RAB3GAP1: variants seen among roughly 807,000 people sequenced by gnomAD.
RAB3GAP1 encodes the protein RAB3 GTPase activating protein catalytic subunit 1.
Under a neutral mutation model 130.7 loss-of-function variants are expected in RAB3GAP1, and 86 were observed. The ratio of observed to expected loss-of-function variants is 0.66; its 90% CI spans 0.55 to 0.79. The LOEUF is 0.79. Among genes scored for constraint, RAB3GAP1 ranks in the 30% least tolerant of loss-of-function variants. The pLI is 0.00. For synonymous variants in RAB3GAP1, 367 were observed against 401.7 expected, an observed-to-expected ratio of 0.91 and a Z score of 1.03; for missense variants, 1,029 against 1,169.4, an observed-to-expected ratio of 0.88 and a Z score of 1.75.
rs200499974 is a variant in RAB3GAP1, at chr2:135,153,866, A to G, written c.2279A>G (p.Glu760Gly). 3.5e-5 allele frequency: 56 copies of G among 1,613,502 alleles called. No individual in the cohort carries two copies. Among genetic ancestry groups the G allele is most frequent in the Non-Finnish European group, 1.7e-6 (2 of 1,179,612 alleles). The change falls in exon 19 of 24, where the codon GAA becomes GGA. Residue 760 changes from glutamate to glycine, a missense_variant. Physicochemically the swap from Glu to Gly is moderately conservative, Grantham distance 98 (BLOSUM62 -2). Transcript: ENST00000264158. The part of the protein sequence containing the change: ...RQRRLFDDTR[E>G]AEKVLHYLAI... The stretch of plus-strand genomic sequence containing the variant: ...AGGAGACTCTTTGATGATACACGGG[A>G]AGCAGAAAAGGTAATTGAGGTTTGA...
chr2:135,158,409 A>T (rs1023533491), intron 19 of RAB3GAP1, among the ~76,000 whole-genome samples: 1 of 152,220 alleles, frequency 6.6e-6, no homozygotes, highest in Non-Finnish European at 1.5e-5. Flanking sequence ...TAGAGAGCTA[A>T]CTTGAAAGGA....
intron 3 of RAB3GAP1, among the ~76,000 whole-genome samples, chr2:135,065,536 A>T (rs148175090): frequency 6.6e-6 from 1 of 152,220 alleles, no homozygotes; most frequent in African/African-American, 2.4e-5. Flanking sequence ...AGAAAATGTC[A>T]TTAGAACTTA....
At chr2:135,075,306 T>C (rs1574085848) in intron 3 of RAB3GAP1, among the ~76,000 whole-genome samples, 1 of 152,214 alleles carries the variant, frequency 6.6e-6, no homozygotes, top group African/African-American at 2.4e-5. Flanking sequence ...AAATGATGCA[T>C]ATGTATAAAA....
chr2:135,155,492 G>A (rs1229865719), intron 19 of RAB3GAP1, among the ~76,000 whole-genome samples: 6 of 152,100 alleles, frequency 3.9e-5, no homozygotes, highest in Admixed American at 6.6e-5. Context: ...AAGAGGATAC[G>A]TTTTGAGAAG....
At chr2:135,083,483 C>T (rs1412331711) in intron 3 of RAB3GAP1, among the ~76,000 whole-genome samples, 1 of 152,018 alleles carries the variant, frequency 6.6e-6, no homozygotes, top group Non-Finnish European at 1.5e-5. Flanking sequence ...TTTTTAGAGG[C>T]AAGGTCTTGC....
At chr2:135,112,708 A>G (rs766778084) in intron 5 of RAB3GAP1, among the ~76,000 whole-genome samples, 6 of 152,174 alleles carry the variant, frequency 3.9e-5, no homozygotes, top group African/African-American at 7.2e-5. Flanking sequence ...AATAACATCA[A>G]TATTACAGTG....
rs913604380 is a variant in RAB3GAP1, at chr2:135,057,883, A to G, written c.75-128A>G. 24 of 695,942 alleles carry G rather than the reference A, an allele frequency of 3.4e-5. No homozygotes were observed. In the Admixed American group the frequency reaches 5.1e-4, roughly 15 times the overall value. 43.1% of individuals were successfully genotyped at this position (695,942 alleles called of 1,614,324 possible). On this transcript the variant is annotated intron_variant, in intron 2 of 23. Transcript: ENST00000264158. ...CCCATATCCATAAATTAAGCTAGCA[A>G]TACTAAATGTACTGAGTCCTCTCTG...
intron 14 of RAB3GAP1, among the ~76,000 whole-genome samples, chr2:135,133,231 A>T (rs1691595132): frequency 6.6e-6 from 1 of 152,172 alleles, no homozygotes; most frequent in Admixed American, 6.5e-5. Context: ...GATTTCCCTC[A>T]TTGTAGAGTT....
chr2:135,126,064 T>C, intron 9 of RAB3GAP1, 117 bp from the exon 10 acceptor site: 1 of 761,048 alleles, frequency 1.3e-6, no homozygotes. Context: ...CAGTATGTTG[T>C]ATTATAAATA....
intron 3 of RAB3GAP1, among the ~76,000 whole-genome samples, chr2:135,063,330 G>A (rs1689231759): frequency 1.3e-5 from 2 of 152,210 alleles, no homozygotes; most frequent in South Asian, 4.1e-4. Flanking sequence ...GTTGTAAAAT[G>A]TAAGATTTAC....
chr2:135,144,502 G>C (rs561699452), intron 17 of RAB3GAP1, among the ~76,000 whole-genome samples: 4 of 152,336 alleles, frequency 2.6e-5, no homozygotes, highest in African/African-American at 4.8e-5. Flanking sequence ...AATAGGTGAA[G>C]GGTGAGGATT....
intron 5 of RAB3GAP1, among the ~76,000 whole-genome samples, chr2:135,098,380 C>A (rs534934837): frequency 6.6e-6 from 1 of 152,038 alleles, no homozygotes; most frequent in African/African-American, 2.4e-5. Context: ...CTTTTAATTT[C>A]TCTTAATATG....
At chr2:135,143,544 TGTA>T (rs1691905914) in intron 17 of RAB3GAP1, among the ~76,000 whole-genome samples, 3 of 151,788 alleles carry the variant, frequency 2.0e-5, no homozygotes, top group Admixed American at 2.0e-4. Context: ...ACCTTTCTTC[TGTA>T]ACATGCTACT....
At chr2:135,059,684 A>G (rs1689114523) in intron 3 of RAB3GAP1, among the ~76,000 whole-genome samples, 1 of 152,168 alleles carries the variant, frequency 6.6e-6, no homozygotes, top group Non-Finnish European at 1.5e-5. Context: ...AGTGTTAACT[A>G]AAGTCACTCT....
At position 135,124,182 on chromosome 2, in the gene RAB3GAP1, G is replaced by A. The variant is rs1691280520; in HGVS notation, c.766G>A (p.Gly256Arg). ...TTGTTTAGACATAGATGCCCTTGTAGGAGGAGAAGTTGGAGGCTTGGAGTT... is the reference window on the plus strand; with the variant it reads ...TTGTTTAGACATAGATGCCCTTGTAAGAGGAGAAGTTGGAGGCTTGGAGTT... ...QQPPDIDALV[G>R]GEVGGLEFGK... The change falls in exon 9 of 24, where the codon GGA (glycine) becomes AGA (arginine). Residue 256 changes from glycine (G) to arginine (R), a missense_variant. Physicochemically the swap from Gly to Arg is moderately radical, Grantham distance 125 (BLOSUM62 -2). Around this residue, in one of 3 missense-constraint regions of RAB3GAP1, gnomAD observed 510 missense variants for 532.1 expected, o/e 0.96. Transcript: ENST00000264158. 6.2e-7 allele frequency: 1 copy of A among 1,613,956 alleles called. No individual in the cohort carries two copies. Among genetic ancestry groups the A allele is most frequent in the Admixed American group, 1.7e-5 (1 of 60,002 alleles).
chr2:135,146,436 TC>T (rs1351662333), intron 17 of RAB3GAP1, among the ~76,000 whole-genome samples: 6 of 152,130 alleles, frequency 3.9e-5, no homozygotes, highest in African/African-American at 1.4e-4. Flanking sequence ...GGTCTTGAAC[TC>T]CTGACCTCAA....
chr2:135,100,627 A>G (rs1690424033), intron 5 of RAB3GAP1, among the ~76,000 whole-genome samples: 1 of 152,224 alleles, frequency 6.6e-6, no homozygotes, highest in Non-Finnish European at 1.5e-5. Context: ...TAGGAAGCCA[A>G]CAACAAAGCT....
At chr2:135,074,614 A>G (rs375647205) in intron 3 of RAB3GAP1, among the ~76,000 whole-genome samples, 9 of 151,964 alleles carry the variant, frequency 5.9e-5, no homozygotes, top group Admixed American at 5.3e-4. Flanking sequence ...GGGAAGGGAG[A>G]CAGTAAGAGA....
Position 135,135,871 on chromosome 2 carries a change from A to T in RAB3GAP1, c.1862A>T (p.Tyr621Phe), listed in dbSNP as rs1464981530. ...MANLRPEGRL[Y>F]QHGKLTLLHN... ...AATTTAAGGCCGGAAGGACGGCTCTATCAGCATGGGAAACTTACACTGCTG... is the reference window on the plus strand; with the variant it reads ...AATTTAAGGCCGGAAGGACGGCTCTTTCAGCATGGGAAACTTACACTGCTG... The change falls in exon 17 of 24, where the codon TAT becomes TTT. Residue 621 changes from tyrosine to phenylalanine, a missense_variant. Around this residue, in one of 3 missense-constraint regions of RAB3GAP1, gnomAD observed 373 missense variants for 493.6 expected, o/e 0.76. Transcript: ENST00000264158. 1.2e-6 allele frequency: 2 copies of T among 1,614,044 alleles called. No homozygotes were observed.
Sources: allele counts gnomAD v4.1 joint callset (sites outside exome capture counted in the v4.1 genomes callset), GRCh38; gene constraint gnomAD v4.1.1; regional missense constraint gnomAD v4.1.1; transcripts MANE v1.5; gene names NCBI Gene and HGNC (gene_info 2026-07-23, HGNC 2026-07-21).